PBX1: variants seen among roughly 807,000 people sequenced by gnomAD.
PBX1 encodes the protein PBX homeobox 1, also known as pre-B-cell leukemia transcription factor 1.
Under a neutral mutation model 53.4 loss-of-function variants are expected in PBX1, and 6 were observed. That is an observed-to-expected ratio of 0.11 (90% CI 0.06 to 0.22). PBX1 has a LOEUF of 0.22. Ranked by LOEUF, PBX1 falls within the 10% of genes least tolerant of loss-of-function variation. The pLI is 1.00. For missense variants in PBX1, 251 were observed against 551.4 expected (o/e 0.46, Z 5.46); for synonymous variants, 204 against 212.3 (o/e 0.96, Z 0.34).
chr1:164,817,516 GAC>G (rs758481327), intron 6 of PBX1: 5 of 152,356 alleles, frequency 3.3e-5, no homozygotes, highest in South Asian at 4.1e-4. Flanking sequence ...TGGGTGTACA[GAC>G]ACAATGAAAT....
rs181242613 is a variant in PBX1, at chr1:164,712,330, G to A, written c.266-80164G>A. On this transcript the variant is annotated intron_variant, in intron 2 of 8. Transcript: ENST00000420696. ...ATATGTTTCTGAGCTGATACTGTCC[G>A]GATTATTCTGTTCGGGAAAACGATA... 2.1e-4 allele frequency among the ~76,000 whole-genome samples: 32 copies of A among 152,222 alleles called. No individual in the cohort carries two copies. In the East Asian group the frequency reaches 2.1e-3, roughly 10 times the overall value.
Position 164,559,695 on chromosome 1 carries a change from T to A in PBX1, c.-128T>A, listed in dbSNP as rs1216897563. 1 of 629,398 alleles carries A rather than the reference T, an allele frequency of 1.6e-6. No individual in the cohort carries two copies. The highest frequency in any genetic ancestry group is 2.5e-6 in the Non-Finnish European group (1 of 395,104). 39.0% of individuals were successfully genotyped at this position (629,398 alleles called of 1,614,324 possible). A position where few individuals can be genotyped will look rare whatever the true frequency, so the allele number is the denominator to read the frequency against. On this transcript the variant is annotated 5_prime_UTR_variant, in exon 1 of 9. Coordinates refer to ENST00000420696, the MANE Select transcript of PBX1 (RefSeq NM_002585.4). ...TTTTTTTTCTTTTGGTCTTCTTTTT[T>A]CCCCCTTCCCTGTTTATCCTGAAAA...
At chr1:164,812,222 G>T in intron 6 of PBX1, 73 bp downstream of exon 6, 14 of 1,365,180 alleles carry the variant, frequency 1.0e-5, no homozygotes, top group Middle Eastern at 1.9e-4. Flanking sequence ...TCCTACATTG[G>T]GATTTTCTTT....
At chr1:164,871,651 T>C (rs868836008) in intron 2 of PBX1, among the ~76,000 whole-genome samples, 1 of 152,130 alleles carries the variant, frequency 6.6e-6, no homozygotes, top group African/African-American at 2.4e-5. Context: ...TCTCAAGATA[T>C]CTGCTGTTTT....
intron 2 of PBX1, among the ~76,000 whole-genome samples, chr1:164,677,780 A>C (rs1473850618): frequency 6.6e-6 from 1 of 152,198 alleles, no homozygotes; most frequent in South Asian, 2.1e-4. Context: ...GAAGCACGGA[A>C]GTACTTTGGC....
At chr1:164,742,727 C>CT (rs1421419062) in intron 2 of PBX1, among the ~76,000 whole-genome samples, 2 of 152,160 alleles carry the variant, frequency 1.3e-5, no homozygotes, top group Non-Finnish European at 2.9e-5. Context: ...CTCCCTCTGA[C>CT]TTAAAAAATG....
intron 2 of PBX1, among the ~76,000 whole-genome samples, chr1:164,644,569 T>G (rs909025384): frequency 1.3e-5 from 2 of 151,858 alleles, no homozygotes; most frequent in Admixed American, 6.6e-5. Flanking sequence ...CTTTTGTTTT[T>G]TTTTTTCCTA....
intron 2 of PBX1, among the ~76,000 whole-genome samples, chr1:164,667,452 C>CTA (rs1364988028): frequency 4.0e-5 from 6 of 151,172 alleles, no homozygotes; most frequent in Non-Finnish European, 8.8e-5. Flanking sequence ...ATAGCTCTGT[C>CTA]TATATATATA....
Position 164,751,580 on chromosome 1 carries a change from C to CTTTTTTTTTTTTTTTTTTTTTTTTTTT in PBX1, c.266-40914_266-40913insTTTTTTTTTTTTTTTTTTTTTTTTTTT. Among the ~76,000 whole-genome samples the CTTTTTTTTTTTTTTTTTTTTTTTTTTT allele has an allele frequency of 1.4e-5, 2 of 142,070 alleles. 1 individual carries two copies. The highest frequency in any genetic ancestry group is 4.7e-4 in the South Asian group (2 of 4,288). The allele number at this position is 142,070 out of a possible 152,430, so 93.2% of individuals were successfully genotyped here. On this transcript the variant is annotated intron_variant, in intron 2 of 8. Transcript: ENST00000420696. ...TCAAATGTAATGGGTTTATTGCCCC[C>CTTTTTTTTTTTTTTTTTTTTTTTTTTT]CTTTTTTTTTTTTTTTTTTGAGACA...
chr1:164,645,713 C>A (rs894796982), intron 2 of PBX1, among the ~76,000 whole-genome samples: 1 of 152,114 alleles, frequency 6.6e-6, no homozygotes, highest in Admixed American at 6.5e-5. Context: ...TACCTCACTC[C>A]CGATTAATGT....
rs1467694374 is a variant in PBX1, at chr1:164,850,893, A to G, written c.*4217A>G. The G allele has an allele frequency of 4.7e-6, 1 of 211,822 alleles. No individual in the cohort carries two copies. The highest frequency in any genetic ancestry group is 7.1e-5 in the East Asian group (1 of 14,128). The allele number at this position is 211,822 out of a possible 1,614,324, so 13.1% of individuals were successfully genotyped here. On this transcript the variant is annotated 3_prime_UTR_variant, in exon 9 of 9. Transcript: ENST00000420696. ...ACTTTGTTTTATTTCTCCCTAATTAATAACTACATTCCATGAGGCCTCTTC... is the reference window on the plus strand; with the variant it reads ...ACTTTGTTTTATTTCTCCCTAATTAGTAACTACATTCCATGAGGCCTCTTC...
chr1:164,833,231 G>A (rs1029484594), intron 8 of PBX1, among the ~76,000 whole-genome samples: 3 of 151,856 alleles, frequency 2.0e-5, no homozygotes, highest in African/African-American at 7.3e-5. Flanking sequence ...AAACCTGAAG[G>A]TAAGCAAAAT....
intron 2 of PBX1, among the ~76,000 whole-genome samples, chr1:164,665,912 A>C: frequency 6.6e-6 from 1 of 152,164 alleles, no homozygotes; most frequent in Non-Finnish European, 1.5e-5. Flanking sequence ...ACCTAGTTGC[A>C]AGGGAGTCTA....
intron 2 of PBX1, among the ~76,000 whole-genome samples, chr1:164,724,915 A>G (rs1347075790): frequency 2.6e-5 from 4 of 151,998 alleles, no homozygotes; most frequent in African/African-American, 9.7e-5. Flanking sequence ...AGTGTTTTAC[A>G]ATGTACTCTG....
At chr1:164,788,109 C>T (rs1424782352) in intron 2 of PBX1, among the ~76,000 whole-genome samples, 1 of 152,058 alleles carries the variant, frequency 6.6e-6, no homozygotes, top group Non-Finnish European at 1.5e-5. Flanking sequence ...GCGCAGGGCA[C>T]CCATCAGGGA....
chr1:164,575,314 C>T (rs188199470), intron 2 of PBX1, among the ~76,000 whole-genome samples: 9 of 152,244 alleles, frequency 5.9e-5, no homozygotes, highest in Admixed American at 1.3e-4. Flanking sequence ...GTCAGTGGGG[C>T]GTTTGCAAAC....
intron 2 of PBX1, among the ~76,000 whole-genome samples, chr1:164,773,949 A>G (rs1290015724): frequency 3.3e-5 from 5 of 152,230 alleles, no homozygotes; most frequent in African/African-American, 1.2e-4. Flanking sequence ...TCCCCATGTT[A>G]GTGAAGGCAA....
At chr1:164,714,755 A>G (rs1227556356) in intron 2 of PBX1, among the ~76,000 whole-genome samples, 1 of 152,218 alleles carries the variant, frequency 6.6e-6, no homozygotes, top group African/African-American at 2.4e-5. Flanking sequence ...ATGTCGTCCT[A>G]GAGCTGGAAG....
At chr1:164,841,800 GTC>G (rs1286239019) in intron 8 of PBX1, among the ~76,000 whole-genome samples, 1 of 152,116 alleles carries the variant, frequency 6.6e-6, no homozygotes, top group Admixed American at 6.5e-5. Flanking sequence ...ATGCATCCGT[GTC>G]TCTGTTTTTC....
Sources: allele counts gnomAD v4.1 joint callset (sites outside exome capture counted in the v4.1 genomes callset), GRCh38; gene constraint gnomAD v4.1.1; transcripts MANE v1.5; gene names NCBI Gene and HGNC (gene_info 2026-07-23, HGNC 2026-07-21).